The following STAC2 variants were observed in gnomAD, a reference collection of about 807,000 sequenced individuals.
STAC2 encodes SH3 and cysteine rich domain 2, also known as SH3 and cysteine-rich domain-containing protein 2.
STAC2 carries 36 observed loss-of-function variants against 49.0 expected under a neutral mutation model. The observed-to-expected ratio is 0.74, with a 90% CI of 0.56 to 0.97. STAC2 has a LOEUF of 0.97. STAC2 is among the 50% of genes least tolerant of loss of function. The pLI, the probability that STAC2 is intolerant of heterozygous loss-of-function variation, is 0.00. For missense variants in STAC2, 527 were observed against 543.8 expected, an observed-to-expected ratio of 0.97 and a Z score of 0.31; for synonymous variants, 239 against 214.7, an observed-to-expected ratio of 1.11 and a Z score of -0.99.
At position 39,225,321 on chromosome 17, in the gene STAC2, G is replaced by C; in HGVS notation, c.90+92C>G. On this transcript the variant is annotated intron_variant, in intron 1 of 10. Transcript: ENST00000333461. The surrounding 1 kb of genome is among the most constrained non-coding windows in gnomAD (Gnocchi z 8.2). Reference sequence around the variant, plus strand: ...GTGGTCACGCGGGCCTCGCGACCGCGACCCTAGGACGCCCGGGCCCACAGG... The same window carrying C: ...GTGGTCACGCGGGCCTCGCGACCGCCACCCTAGGACGCCCGGGCCCACAGG... 1.8e-6 allele frequency: 2 copies of C among 1,122,106 alleles called. No individual in the cohort carries two copies. Among genetic ancestry groups the C allele is most frequent in the Non-Finnish European group, 2.4e-6 (2 of 822,846 alleles). 69.5% of individuals were successfully genotyped at this position (1,122,106 alleles called of 1,614,324 possible). A position where few individuals can be genotyped will look rare whatever the true frequency, so the allele number is the denominator to read the frequency against.
In STAC2 at chr17:39,214,951, C is replaced by T; in HGVS notation, c.772G>A (p.Ala258Thr). 1 of 1,614,114 alleles carries T rather than the reference C, an allele frequency of 6.2e-7. No homozygotes were observed. Among genetic ancestry groups the T allele is most frequent in the East Asian group, 2.2e-5 (1 of 44,864 alleles). Residue 258 changes from alanine to threonine, a missense_variant and splice_region_variant, in exon 6 of 11, where the codon GCA (alanine) becomes ACA (threonine). Ala to Thr is a moderately conservative substitution (Grantham distance 58). Transcript: ENST00000333461. ...RSSEEGPGDSASPVFTAPAES... is the reference protein window; with the variant it reads ...RSSEEGPGDSTSPVFTAPAES... Reference sequence around the variant, plus strand: ...GCCCTTGATGCCCACCACCACTCACCACTGTCACCAGGCCCCTCCTCAGAG... The same window carrying T: ...GCCCTTGATGCCCACCACCACTCACTACTGTCACCAGGCCCCTCCTCAGAG...
chr17:39,212,799 T>G (rs2046365769), intron 10 of STAC2, among the ~76,000 whole-genome samples, 196 bp downstream of exon 10: 1 of 152,232 alleles, frequency 6.6e-6, no homozygotes, highest in Non-Finnish European at 1.5e-5. Flanking sequence ...GTCTCCTGTC[T>G]CTGTTGGTCA....
intron 8 of STAC2, among the ~76,000 whole-genome samples, chr17:39,213,823 C>T (rs907280379): frequency 2.0e-5 from 3 of 151,932 alleles, no homozygotes; most frequent in African/African-American, 4.8e-5. Flanking sequence ...TTTACAGGCA[C>T]CTGCCACCAT....
At chr17:39,213,209 T>C in intron 9 of STAC2, 77 bp from the exon 10 acceptor site, 9 of 1,576,930 alleles carry the variant, frequency 5.7e-6, no homozygotes, top group Non-Finnish European at 7.7e-6. Flanking sequence ...CCAGACCCGG[T>C]TCCCACTCAG....
intron 7 of STAC2, 68 bp downstream of exon 7, chr17:39,214,723 C>T: frequency 6.4e-7 from 1 of 1,555,602 alleles, no homozygotes; most frequent in Non-Finnish European, 8.8e-7. Flanking sequence ...CCCTATGAAT[C>T]AATGGCAAGG....
chr17:39,214,763 T>C (rs765724878), intron 7 of STAC2, 28 bp downstream of exon 7: 1 of 1,612,246 alleles, frequency 6.2e-7, no homozygotes, highest in South Asian at 1.1e-5. Flanking sequence ...CACCCTGACC[T>C]TCCGGGCCAA....
Position 39,225,664 on chromosome 17 carries a change from G to T in STAC2, c.-162C>A, listed in dbSNP as rs2046507083. 1.4e-6 allele frequency: 1 copy of T among 711,152 alleles called. No homozygotes were observed. Among genetic ancestry groups the T allele is most frequent in the Non-Finnish European group, 2.4e-6 (1 of 424,056 alleles). 44.1% of individuals were successfully genotyped at this position (711,152 alleles called of 1,614,324 possible). On this transcript the variant is annotated 5_prime_UTR_variant, in exon 1 of 11. Transcript: ENST00000333461. This position sits in a 1 kb window ranked among gnomAD's most constrained non-coding sequence, Gnocchi z 8.2. Reference sequence around the variant, plus strand: ...CCCCCAACCCGCGGGAGCGGGCAGAGAAAGTTGCCGGGGTGGCGGGCGAGG... The same window carrying T: ...CCCCCAACCCGCGGGAGCGGGCAGATAAAGTTGCCGGGGTGGCGGGCGAGG...
chr17:39,217,248 G>T, intron 2 of STAC2, 75 bp from the exon 3 acceptor site: 1 of 1,440,234 alleles, frequency 6.9e-7, no homozygotes, highest in Non-Finnish European at 9.6e-7. Context: ...ATTAGGGGAT[G>T]AGGAGAGCAG....
At chr17:39,223,037 G>A (rs1567835770) in intron 1 of STAC2, among the ~76,000 whole-genome samples, 1 of 152,186 alleles carries the variant, frequency 6.6e-6, no homozygotes, top group Non-Finnish European at 1.5e-5. Flanking sequence ...GACTCGCTAG[G>A]AAGGTTGCTG....
intron 8 of STAC2, 108 bp from the exon 9 acceptor site, chr17:39,213,666 A>G: frequency 1.4e-6 from 1 of 714,740 alleles, no homozygotes; most frequent in Non-Finnish European, 2.2e-6. Context: ...GCTGGGAGAG[A>G]CGATTCTTTT....
In STAC2 at chr17:39,212,287, T is replaced by C. The variant is rs2046361086; in HGVS notation, c.*5A>G. The stretch of plus-strand genomic sequence containing the variant: ...AGGGTGTCATCTGGGTTCCCTTGGC[T>C]CCTCTCAGATCTCAGTCAGGGCGTC... On this transcript the variant is annotated 3_prime_UTR_variant, in exon 11 of 11. Coordinates refer to ENST00000333461, the MANE Select transcript of STAC2 (RefSeq NM_198993.5). 1.2e-6 allele frequency: 2 copies of C among 1,603,758 alleles called. No individual in the cohort carries two copies. Among genetic ancestry groups the C allele is most frequent in the South Asian group, 2.2e-5 (2 of 89,204 alleles).
chr17:39,216,752 G>A, intron 4 of STAC2, 58 bp downstream of exon 4: 1 of 1,488,820 alleles, frequency 6.7e-7, no homozygotes, highest in South Asian at 1.2e-5. Flanking sequence ...GGTCAGGGAT[G>A]TTGATTTCTC....
rs754858328 is a variant in STAC2, at chr17:39,218,036, AG to A, written c.227del (p.Pro76LeufsTer33). 6 of 842,462 alleles carry A rather than the reference AG, an allele frequency of 7.1e-6. No homozygotes were observed. The highest frequency in any genetic ancestry group is 1.5e-5 in the South Asian group (1 of 65,154). 52.2% of individuals were successfully genotyped at this position (842,462 alleles called of 1,614,324 possible). A position where few individuals can be genotyped will look rare whatever the true frequency, so the allele number is the denominator to read the frequency against. On this transcript the variant is annotated frameshift_variant, in exon 2 of 11. Transcript: ENST00000333461. LOFTEE classifies it high-confidence loss of function. ...VLLTPPTPLPPPSPPPTASDR... is the reference protein window; with the variant it reads ...VLLTPPTPLPXPSPPPTASDR... ...CCGAGGCTGTGGGTGGTGGGGAGGG[AG>A]GGGGCAGTGGGGTTGGGGGCGTCAG...
At chr17:39,223,622 A>G (rs1427850120) in intron 1 of STAC2, among the ~76,000 whole-genome samples, 1 of 152,154 alleles carries the variant, frequency 6.6e-6, no homozygotes, top group Non-Finnish European at 1.5e-5. Context: ...AGCTTGCTGG[A>G]GTACTGAGGC....
intron 7 of STAC2, 91 bp downstream of exon 7, chr17:39,214,700 C>A: frequency 6.9e-7 from 1 of 1,449,662 alleles, no homozygotes; most frequent in South Asian, 1.3e-5. Context: ...CCCCACGCAC[C>A]ATGCTCTTGC....
chr17:39,219,978 G>A (rs949354601), intron 1 of STAC2, among the ~76,000 whole-genome samples: 5 of 152,148 alleles, frequency 3.3e-5, no homozygotes, highest in African/African-American at 1.2e-4. Context: ...ACCAGCCTCC[G>A]GGAGGCCAGC....
Position 39,225,551 on chromosome 17 carries a change from A to G in STAC2, c.-49T>C. The G allele has an allele frequency of 6.4e-7, 1 of 1,573,690 alleles. No individual in the cohort carries two copies. ...GGTGCCGAGATCCGACGGCAGGCCC[A>G]CCGCGGGCAGGCTGCGGGTGGCGGG... On this transcript the variant is annotated 5_prime_UTR_variant, in exon 1 of 11. Coordinates refer to ENST00000333461, the MANE Select transcript of STAC2 (RefSeq NM_198993.5). The surrounding 1 kb of genome is among the most constrained non-coding windows in gnomAD (Gnocchi z 8.2).
At position 39,214,268 on chromosome 17, in the gene STAC2, C is replaced by T; in HGVS notation, c.906G>A (p.Lys302=). 6.2e-7 allele frequency: 1 copy of T among 1,614,074 alleles called. No homozygotes were observed. Among genetic ancestry groups the T allele is most frequent in the Non-Finnish European group, 8.5e-7 (1 of 1,179,970 alleles). Residue 302 remains lysine (K), a synonymous_variant, in exon 8 of 11, where the codon AAG becomes AAA. Coordinates refer to ENST00000333461, the MANE Select transcript of STAC2 (RefSeq NM_198993.5). ...GPMYSYVALY[K]FLPQENNDLA... ...GATCATTGTTCTCCTGGGGCAGAAA[C>T]TTGTAGAGTGCAACGTAGGAGTACA...
At chr17:39,214,519 G>A in intron 7 of STAC2, 189 bp from the exon 8 acceptor site, 1 of 937,152 alleles carries the variant, frequency 1.1e-6, no homozygotes, top group Non-Finnish European at 1.3e-6. Flanking sequence ...GACGGGAATG[G>A]AGAGGGGAGC....
Sources: gnomAD v4.1 joint callset for allele counts (sites outside exome capture counted in the v4.1 genomes callset) on GRCh38, gnomAD v4.1.1 for gene constraint, Gnocchi (gnomAD v3.1) non-coding constraint, MANE v1.5 for transcripts, NCBI Gene and HGNC (gene_info 2026-07-23, HGNC 2026-07-21) for gene names.